RP1: variants seen among roughly 807,000 people sequenced by gnomAD.
RP1 encodes the protein oxygen-regulated protein 1.
In RP1, 16 loss-of-function variants were observed where a neutral mutation model predicts 14.8. The ratio of observed to expected loss-of-function variants is 1.08; its 90% CI spans 0.73 to 1.65. The LOEUF (loss-of-function observed/expected upper bound fraction) is 1.65. RP1 is among the 40% of genes most tolerant of loss of function. The pLI, the probability that RP1 is intolerant of heterozygous loss-of-function variation, is 0.00. For missense variants in RP1, 2,631 were observed against 2,535.0 expected (o/e 1.04, Z -0.81); for synonymous variants, 876 against 883.6 (o/e 0.99, Z 0.15).
intron 27 of RP1, among the ~76,000 whole-genome samples, chr8:54,859,209 G>A (rs950903004): frequency 3.3e-5 from 5 of 151,664 alleles, no homozygotes; most frequent in African/African-American, 1.2e-4. Context: ...ATGTCACTGT[G>A]GAGCAGCACT....
intron 15 of RP1, among the ~76,000 whole-genome samples, chr8:54,716,036 C>T (rs114156813): frequency 2.6e-5 from 4 of 152,210 alleles, no homozygotes; most frequent in Admixed American, 6.5e-5. Context: ...ATTTTTAATA[C>T]GTTATCTGTT....
chr8:54,806,020 A>C (rs988367289), intron 24 of RP1, among the ~76,000 whole-genome samples: 5 of 151,306 alleles, frequency 3.3e-5, no homozygotes, highest in African/African-American at 1.2e-4. Flanking sequence ...TTTTATTTTT[A>C]TTTTCTTTTA....
chr8:54,718,547 CA>C (rs1422811120), intron 15 of RP1, among the ~76,000 whole-genome samples: 1 of 152,192 alleles, frequency 6.6e-6, no homozygotes, highest in Non-Finnish European at 1.5e-5. Flanking sequence ...AGAGCTTAAA[CA>C]TGTCCATGAA....
intron 1 of RP1, among the ~76,000 whole-genome samples, chr8:54,565,076 T>C (rs1804372281): frequency 6.6e-6 from 1 of 152,152 alleles, no homozygotes; most frequent in Non-Finnish European, 1.5e-5. Flanking sequence ...GAACCACAGC[T>C]TCTCAGAGAG....
At chr8:54,710,759 G>T (rs150059896) in intron 15 of RP1, among the ~76,000 whole-genome samples, 48 of 152,302 alleles carry the variant, frequency 3.2e-4, no homozygotes, top group African/African-American at 1.1e-3. Flanking sequence ...AAGTCAAGTT[G>T]CCTCTCCCTG....
chr8:54,818,882 A>G (rs1378404323), intron 24 of RP1, among the ~76,000 whole-genome samples: 1 of 152,104 alleles, frequency 6.6e-6, no homozygotes, highest in African/African-American at 2.4e-5. Flanking sequence ...TTCTGTGAGG[A>G]GAGTCTTCAG....
At chr8:54,866,384 A>G (rs1421703591) in intron 28 of RP1, among the ~76,000 whole-genome samples, 2 of 152,192 alleles carry the variant, frequency 1.3e-5, no homozygotes, top group African/African-American at 2.4e-5. Context: ...AAAGTGGCGT[A>G]GATGTAATAT....
intron 15 of RP1, among the ~76,000 whole-genome samples, chr8:54,719,242 T>C (rs1030900531): frequency 6.6e-6 from 1 of 152,160 alleles, no homozygotes. Context: ...ATTATCTGTA[T>C]ATGTGGTTGT....
chr8:54,854,185 T>C (rs1812133467), intron 26 of RP1, among the ~76,000 whole-genome samples: 1 of 152,138 alleles, frequency 6.6e-6, no homozygotes. Context: ...GGAAATGCAG[T>C]CAAATACACC....
At chr8:54,808,310 GA>G (rs1017928953) in intron 24 of RP1, among the ~76,000 whole-genome samples, 3 of 152,186 alleles carry the variant, frequency 2.0e-5, no homozygotes, top group Non-Finnish European at 4.4e-5. Flanking sequence ...GGCTCTGCAC[GA>G]AGGTGTCTTA....
intron 1 of RP1, among the ~76,000 whole-genome samples, 172 bp from the exon 2 acceptor site, chr8:54,620,783 G>A (rs1005781527): frequency 6.6e-6 from 1 of 151,920 alleles, no homozygotes; most frequent in Non-Finnish European, 1.5e-5. Context: ...TTTATTATAA[G>A]TTCCTTAAAA....
At chr8:54,806,238 C>G (rs1461360985) in intron 24 of RP1, among the ~76,000 whole-genome samples, 2 of 152,020 alleles carry the variant, frequency 1.3e-5, no homozygotes, top group Non-Finnish European at 2.9e-5. Flanking sequence ...AGACTGGTCT[C>G]GAACTCCTGA....
intron 22 of RP1, among the ~76,000 whole-genome samples, chr8:54,768,372 T>A (rs887985129): frequency 2.0e-5 from 3 of 152,216 alleles, no homozygotes; most frequent in Non-Finnish European, 4.4e-5. Context: ...TACATTTATA[T>A]CTTTACATAT....
intron 13 of RP1, among the ~76,000 whole-genome samples, chr8:54,700,590 A>G (rs1177638476): frequency 1.3e-5 from 2 of 152,152 alleles, no homozygotes; most frequent in Non-Finnish European, 2.9e-5. Context: ...AAATATGACT[A>G]TGGATATGGA....
chr8:54,851,591 T>C (rs544325363), intron 25 of RP1, among the ~76,000 whole-genome samples: 7 of 152,300 alleles, frequency 4.6e-5, no homozygotes, highest in African/African-American at 1.7e-4. Context: ...GAAATATTTC[T>C]TTGGTTGTCC....
exon 21 of RP1, chr8:54,755,708 G>C (rs1809489795): frequency 6.5e-7 from 1 of 1,535,724 alleles, no homozygotes; most frequent in Non-Finnish European, 8.7e-7. Flanking sequence ...TGGGGAGAGG[G>C]GAGACTCTGG....
intron 23 of RP1, chr8:54,781,022 C>T (rs1810173048): frequency 1.0e-6 from 1 of 983,284 alleles, no homozygotes. Context: ...AGAGTATATC[C>T]AAACTACTTT....
intron 24 of RP1, among the ~76,000 whole-genome samples, chr8:54,795,750 T>C (rs193025951): frequency 6.8e-4 from 103 of 152,270 alleles, no homozygotes; most frequent in African/African-American, 2.3e-3. Flanking sequence ...CTCCTCTGTC[T>C]CTCAAAATTG....
chr8:54,630,667 T>C lies in RP1; in HGVS notation c.*314T>C. 8.9e-7 allele frequency: 1 copy of C among 1,123,646 alleles called. No homozygotes were observed. Among genetic ancestry groups the C allele is most frequent in the African/African-American group, 1.7e-5 (1 of 60,366 alleles). The allele number at this position is 1,123,646 out of a possible 1,614,324, so 69.6% of individuals were successfully genotyped here. On this transcript the variant is annotated 3_prime_UTR_variant, in exon 4 of 4. Coordinates refer to ENST00000220676, the MANE Select transcript of RP1 (RefSeq NM_006269.2). ...CATCAAAATGTGCTAAGGACAAGAA[T>C]TATATCCTTTTTAAAAAATGTTGTT...
Sources: gnomAD v4.1 joint callset for allele counts (sites outside exome capture counted in the v4.1 genomes callset) on GRCh38, gnomAD v4.1.1 for gene constraint, MANE v1.5 for transcripts, NCBI Gene and HGNC (gene_info 2026-07-23, HGNC 2026-07-21) for gene names.